ADCY2: variants seen among roughly 807,000 people sequenced by gnomAD.
ADCY2 encodes adenylate cyclase 2.
In ADCY2, 31 loss-of-function variants were observed where a neutral mutation model predicts 125.2. The observed-to-expected ratio is 0.25, with a 90% CI of 0.19 to 0.33. The LOEUF is 0.33. Among genes scored for constraint, ADCY2 ranks in the 10% least tolerant of loss-of-function variants. The pLI is 1.00. For synonymous variants in ADCY2, 512 were observed against 548.4 expected (o/e 0.93, Z 0.93); for missense variants, 904 against 1,418.2 (o/e 0.64, Z 5.82).
At chr5:7,576,361 C>T (rs1408541112) in intron 3 of ADCY2, among the ~76,000 whole-genome samples, 1 of 152,172 alleles carries the variant, frequency 6.6e-6, no homozygotes, top group African/African-American at 2.4e-5. Flanking sequence ...GGCAGAGGCC[C>T]GTTAATTACA....
intron 4 of ADCY2, among the ~76,000 whole-genome samples, chr5:7,689,603 C>T (rs543828480): frequency 1.3e-5 from 2 of 152,222 alleles, no homozygotes; most frequent in African/African-American, 4.8e-5. Flanking sequence ...AAGTTTCCAA[C>T]AGCCACCAAA....
chr5:7,652,086 G>A (rs1261932283), intron 4 of ADCY2, among the ~76,000 whole-genome samples: 3 of 152,144 alleles, frequency 2.0e-5, no homozygotes, highest in Non-Finnish European at 4.4e-5. Flanking sequence ...ACAGGCGTGA[G>A]CCCCCGCACC....
intron 3 of ADCY2, among the ~76,000 whole-genome samples, chr5:7,599,686 T>G (rs1388639101): frequency 6.6e-6 from 1 of 152,056 alleles, no homozygotes. Flanking sequence ...GATGAGATCT[T>G]GTGAGAGTAA....
chr5:7,647,131 A>C (rs541001060), intron 4 of ADCY2, among the ~76,000 whole-genome samples: 1 of 152,282 alleles, frequency 6.6e-6, no homozygotes, highest in East Asian at 1.9e-4. Flanking sequence ...GAGATGTGCA[A>C]ATGTGCCTTT....
At chr5:7,416,705 A>C (rs1161065057) in intron 2 of ADCY2, among the ~76,000 whole-genome samples, 1 of 152,194 alleles carries the variant, frequency 6.6e-6, no homozygotes, top group Non-Finnish European at 1.5e-5. Flanking sequence ...CAATTAGAAA[A>C]GGTAATTTTA....
chr5:7,765,353 T>C (rs542141297), intron 16 of ADCY2, among the ~76,000 whole-genome samples: 2 of 152,326 alleles, frequency 1.3e-5, no homozygotes, highest in South Asian at 4.1e-4. Flanking sequence ...GAGCCTGATG[T>C]TTGCCAAGCA....
intron 1 of ADCY2, among the ~76,000 whole-genome samples, chr5:7,405,306 T>C (rs898837799): frequency 7.3e-5 from 11 of 150,768 alleles, no homozygotes; most frequent in African/African-American, 2.4e-4. Context: ...AACTACTCTT[T>C]TTTTTTTTTT....
intron 4 of ADCY2, among the ~76,000 whole-genome samples, chr5:7,673,947 C>T (rs1740027314): frequency 6.6e-6 from 1 of 152,138 alleles, no homozygotes; most frequent in Non-Finnish European, 1.5e-5. Flanking sequence ...GGCACCTAAG[C>T]ACTCTTAGTT....
At chr5:7,489,173 A>G (rs1382968753) in intron 2 of ADCY2, among the ~76,000 whole-genome samples, 1 of 152,078 alleles carries the variant, frequency 6.6e-6, no homozygotes, top group Non-Finnish European at 1.5e-5. Context: ...TTTGCTGCAG[A>G]CTTTCCAAAA....
intron 4 of ADCY2, among the ~76,000 whole-genome samples, chr5:7,638,196 G>T (rs1444495054): frequency 1.3e-5 from 2 of 152,246 alleles, no homozygotes; most frequent in Non-Finnish European, 2.9e-5. Context: ...ATATTTTTTT[G>T]TGTGTGGTCC....
chr5:7,508,166 A>C (rs1579516939), intron 2 of ADCY2, among the ~76,000 whole-genome samples: 1 of 152,304 alleles, frequency 6.6e-6, no homozygotes, highest in Middle Eastern at 3.4e-3. Context: ...TTATTTTTCC[A>C]ATGGGTAAAC....
chr5:7,462,474 G>A (rs575985917), intron 2 of ADCY2, among the ~76,000 whole-genome samples: 1 of 152,272 alleles, frequency 6.6e-6, no homozygotes, highest in South Asian at 2.1e-4. Flanking sequence ...AAGCAATGTA[G>A]TTGACACTTC....
At chr5:7,766,620 A>G in intron 16 of ADCY2, 67 bp from the exon 17 acceptor site, 1 of 1,545,384 alleles carries the variant, frequency 6.5e-7, no homozygotes, top group South Asian at 1.2e-5. Flanking sequence ...TCATAAAGTT[A>G]GCACCCACCT....
intron 4 of ADCY2, among the ~76,000 whole-genome samples, chr5:7,651,325 T>C (rs1739081027): frequency 6.6e-6 from 1 of 152,106 alleles, no homozygotes; most frequent in Non-Finnish European, 1.5e-5. Context: ...GAGTATTGAC[T>C]CACACGATCA....
chr5:7,669,852 A>T (rs1377698351), intron 4 of ADCY2, among the ~76,000 whole-genome samples: 1 of 152,226 alleles, frequency 6.6e-6, no homozygotes, highest in African/African-American at 2.4e-5. Context: ...TTTCAGAGAC[A>T]GGATAGATGA....
intron 3 of ADCY2, among the ~76,000 whole-genome samples, chr5:7,558,457 T>C (rs889078136): frequency 2.0e-5 from 3 of 152,246 alleles, no homozygotes; most frequent in Non-Finnish European, 1.5e-5. Flanking sequence ...CTTTTTATTA[T>C]ATGATTGTTG....
chr5:7,482,140 C>A (rs1162906536), intron 2 of ADCY2, among the ~76,000 whole-genome samples: 1 of 152,120 alleles, frequency 6.6e-6, no homozygotes, highest in Non-Finnish European at 1.5e-5. Flanking sequence ...GGTTAGATGG[C>A]ATCTCATTGT....
At chr5:7,673,239 CAAAA>C (rs1197772883) in intron 4 of ADCY2, among the ~76,000 whole-genome samples, 1 of 5,222 alleles carries the variant, frequency 1.9e-4, no homozygotes, top group Non-Finnish European at 3.6e-4. Flanking sequence ...CTTGTCTCTC[CAAAA>C]AAAAAAAAAA....
Position 7,724,598 on chromosome 5 carries a change from A to G in ADCY2, c.1757A>G (p.Lys586Arg). ...AGAATCTCACTGCTTTTCTATAACA[A>G]AGTACTAGAAAAAGAGGTAAGTTTT... ...IQRISLLFYN[K>R]VLEKEYRATA... is the part of the protein sequence containing the mutation. Residue 586 changes from lysine to arginine, a missense_variant, in exon 13 of 25, where the codon AAA (lysine) becomes AGA (arginine). Lys to Arg is a conservative substitution (Grantham distance 26). Coordinates refer to ENST00000338316, the MANE Select transcript of ADCY2 (RefSeq NM_020546.3). 6.3e-7 allele frequency: 1 copy of G among 1,581,372 alleles called. No homozygotes were observed. The highest frequency in any genetic ancestry group is 8.5e-7 in the Non-Finnish European group (1 of 1,170,290).
Sources: allele counts gnomAD v4.1 joint callset (sites outside exome capture counted in the v4.1 genomes callset), GRCh38; gene constraint gnomAD v4.1.1; transcripts MANE v1.5; gene names NCBI Gene and HGNC (gene_info 2026-07-23, HGNC 2026-07-21).